The following GRIA2 variants were observed in gnomAD, a reference collection of about 807,000 sequenced individuals.
GRIA2 encodes glutamate ionotropic receptor AMPA type subunit 2, also known as glutamate receptor 2.
In GRIA2, 14 loss-of-function variants were observed where a neutral mutation model predicts 97.3. The observed-to-expected ratio is 0.14, with a 90% CI of 0.10 to 0.23. The LOEUF (loss-of-function observed/expected upper bound fraction) is 0.23, where lower values mean the gene tolerates loss of function less well. GRIA2 is among the 10% of genes least tolerant of loss of function. The pLI, the probability that GRIA2 is intolerant of heterozygous loss-of-function variation, is 1.00. For synonymous variants in GRIA2, 412 were observed against 387.8 expected, an observed-to-expected ratio of 1.06 and a Z score of -0.73; for missense variants, 558 against 1,069.8, an observed-to-expected ratio of 0.52 and a Z score of 6.67.
intron 3 of GRIA2, among the ~76,000 whole-genome samples, chr4:157,307,143 A>G (rs901028783): frequency 1.4e-4 from 22 of 152,182 alleles, no homozygotes; most frequent in Admixed American, 1.3e-4. Context: ...TTGGAATAGC[A>G]TAGGGTCCAA....
chr4:157,349,470 C>CCCTTCCTTCCTTCCTTCCTTCCTT (rs563118474), intron 12 of GRIA2, among the ~76,000 whole-genome samples: 1 of 139,592 alleles, frequency 7.2e-6, no homozygotes, highest in Non-Finnish European at 1.5e-5. Flanking sequence ...CCTCCCCCCA[C>CCCTTCCTTCCTTCCTTCCTTCCTT]CCTTCCTTCC....
intron 11 of GRIA2, among the ~76,000 whole-genome samples, chr4:157,339,266 T>G (rs901375982): frequency 1.9e-4 from 29 of 152,068 alleles, no homozygotes; most frequent in African/African-American, 7.0e-4. Context: ...AATGATTTAG[T>G]AGGGATTAAA....
At chr4:157,261,862 T>C (rs976494236) in intron 2 of GRIA2, among the ~76,000 whole-genome samples, 1 of 152,122 alleles carries the variant, frequency 6.6e-6, no homozygotes, top group Admixed American at 6.6e-5. Context: ...GCCAGCTTCC[T>C]GATTTTGCCT....
chr4:157,224,364 A>AG (rs1372142266), intron 2 of GRIA2, among the ~76,000 whole-genome samples: 1 of 152,270 alleles, frequency 6.6e-6, no homozygotes, highest in East Asian at 1.9e-4. Context: ...AAAAAGAACT[A>AG]GGGGGGTACT....
intron 6 of GRIA2, among the ~76,000 whole-genome samples, chr4:157,324,308 A>G (rs1235094544): frequency 6.6e-6 from 1 of 152,212 alleles, no homozygotes; most frequent in East Asian, 1.9e-4. Flanking sequence ...GTTTATCCTA[A>G]CAAAGAAATG....
At chr4:157,328,669 A>G (rs1222064504) in intron 6 of GRIA2, among the ~76,000 whole-genome samples, 1 of 151,946 alleles carries the variant, frequency 6.6e-6, no homozygotes, top group East Asian at 1.9e-4. Flanking sequence ...GGTGAATCTG[A>G]TTAGCTTTAT....
At chr4:157,252,083 AAC>A (rs1731045482) in intron 2 of GRIA2, among the ~76,000 whole-genome samples, 1 of 152,128 alleles carries the variant, frequency 6.6e-6, no homozygotes, top group Non-Finnish European at 1.5e-5. Flanking sequence ...AATCCCTCAA[AAC>A]AAAACAAAAC....
At chr4:157,282,169 ATT>A (rs1300452253) in intron 2 of GRIA2, among the ~76,000 whole-genome samples, 1 of 151,970 alleles carries the variant, frequency 6.6e-6, no homozygotes, top group African/African-American at 2.4e-5. Flanking sequence ...CTCTGTGATG[ATT>A]TTTTATCCTC....
chr4:157,327,822 G>T (rs2126920830), intron 6 of GRIA2, among the ~76,000 whole-genome samples: 1 of 152,202 alleles, frequency 6.6e-6, no homozygotes, highest in Non-Finnish European at 1.5e-5. Context: ...GCTGTCCTAA[G>T]AGAGTTATTA....
intron 2 of GRIA2, among the ~76,000 whole-genome samples, chr4:157,298,850 T>A (rs755079447): frequency 6.6e-6 from 1 of 151,992 alleles, no homozygotes; most frequent in Non-Finnish European, 1.5e-5. Flanking sequence ...TTTTAGGAGA[T>A]AACTGGGATA....
intron 2 of GRIA2, among the ~76,000 whole-genome samples, chr4:157,248,810 AT>A (rs1730889940): frequency 2.5e-5 from 3 of 118,612 alleles, no homozygotes; most frequent in African/African-American, 1.0e-4. Flanking sequence ...ATATATATAT[AT>A]ATAAATAAAA....
At chr4:157,352,639 G>C (rs1379795361) in intron 12 of GRIA2, among the ~76,000 whole-genome samples, 1 of 147,602 alleles carries the variant, frequency 6.8e-6, no homozygotes, top group Non-Finnish European at 1.5e-5. Flanking sequence ...AGAATCGCTT[G>C]AACCCAGGAG....
Position 157,336,415 on chromosome 4 carries a change from T to G in GRIA2, c.1512T>G (p.Leu504=). 1.3e-6 allele frequency: 2 copies of G among 1,597,248 alleles called. No homozygotes were observed. The highest frequency in any genetic ancestry group is 1.7e-5 in the Admixed American group (1 of 57,400). Residue 504 remains leucine, a synonymous_variant, in exon 11 of 16, where the codon CTT becomes CTG. Transcript: ENST00000264426. ...CAATTGCTCCATTAACTATTACCCTTGTGAGAGAAGAGGTGATTGACTTCT... is the reference window on the plus strand; with the variant it reads ...CAATTGCTCCATTAACTATTACCCTGGTGAGAGAAGAGGTGATTGACTTCT... ...DIAIAPLTIT[L]VREEVIDFSK...
chr4:157,272,715 A>G (rs1404779956), intron 2 of GRIA2, among the ~76,000 whole-genome samples: 1 of 152,084 alleles, frequency 6.6e-6, no homozygotes, highest in African/African-American at 2.4e-5. Flanking sequence ...TGCCCTTAAG[A>G]GAAACTACTT....
intron 2 of GRIA2, among the ~76,000 whole-genome samples, chr4:157,281,415 T>A (rs1466610076): frequency 1.3e-5 from 2 of 152,036 alleles, no homozygotes; most frequent in Non-Finnish European, 2.9e-5. Flanking sequence ...TTATTTCCCA[T>A]AAAAAATCAT....
At chr4:157,223,963 A>G (rs1579283511) in intron 2 of GRIA2, among the ~76,000 whole-genome samples, 1 of 152,210 alleles carries the variant, frequency 6.6e-6, no homozygotes, top group Non-Finnish European at 1.5e-5. Context: ...ATTTTTAAAT[A>G]GAAATTTTTC....
rs1472879108 is a variant in GRIA2 at position 157,266,270 on chromosome 4, C to T, written c.230-37282C>T. Reference sequence around the variant, plus strand: ...GGGTTGGAGATGGAGAACTGCATTGCATAACTGAAACTATGATTGCGGATG... The same window carrying T: ...GGGTTGGAGATGGAGAACTGCATTGTATAACTGAAACTATGATTGCGGATG... On this transcript the variant is annotated intron_variant, in intron 2 of 15. Coordinates refer to ENST00000264426, the MANE Select transcript of GRIA2 (RefSeq NM_001083619.3). Among the ~76,000 whole-genome samples the T allele has an allele frequency of 1.3e-5, 2 of 152,046 alleles. 1 individual carries two copies. The highest frequency in any genetic ancestry group is 1.3e-4 in the Admixed American group (2 of 15,232).
chr4:157,234,431 T>G (rs1030022485), intron 2 of GRIA2, among the ~76,000 whole-genome samples: 3 of 152,130 alleles, frequency 2.0e-5, no homozygotes, highest in African/African-American at 4.8e-5. Context: ...ATGTACATTT[T>G]ACAAGAATTT....
chr4:157,321,545 A>G lies in GRIA2; in HGVS notation c.828A>G (p.Arg276=). Reference sequence around the variant, plus strand: ...CGTTGGTATCTAAATTTATAGAAAGATGGTCAACACTGGAAGAAAAAGAAT... The same window carrying G: ...CGTTGGTATCTAAATTTATAGAAAGGTGGTCAACACTGGAAGAAAAAGAAT... The part of the protein sequence containing the change: ...DDSLVSKFIE[R]WSTLEEKEYP... The change falls in exon 6 of 16, where the codon AGA becomes AGG. Residue 276 remains arginine, a synonymous_variant. Transcript: ENST00000264426. 2 of 1,609,652 alleles carry G rather than the reference A, an allele frequency of 1.2e-6. No homozygotes were observed. Among genetic ancestry groups the G allele is most frequent in the Non-Finnish European group, 1.7e-6 (2 of 1,176,062 alleles).
Sources: allele counts gnomAD v4.1 joint callset (sites outside exome capture counted in the v4.1 genomes callset), GRCh38; gene constraint gnomAD v4.1.1; transcripts MANE v1.5; gene names NCBI Gene and HGNC (gene_info 2026-07-23, HGNC 2026-07-21).